NRXN3: variants seen among roughly 807,000 people sequenced by gnomAD.
NRXN3 encodes the protein neurexin 3.
In NRXN3, 32 loss-of-function variants were observed where a neutral mutation model predicts 137.6. The observed-to-expected ratio is 0.23, with a 90% CI of 0.18 to 0.31. The LOEUF is 0.31. NRXN3 is among the 10% of genes least tolerant of loss of function. The pLI, the probability that NRXN3 is intolerant of heterozygous loss-of-function variation, is 1.00. For missense variants in NRXN3, 1,574 were observed against 2,062.5 expected (o/e 0.76, Z 4.59); for synonymous variants, 798 against 784.5 (o/e 1.02, Z -0.29).
At chr14:78,314,893 C>CTTTCTTTCTTTCTT (rs750155165) in intron 4 of NRXN3, among the ~76,000 whole-genome samples, 4 of 82,180 alleles carry the variant, frequency 4.9e-5, no homozygotes, top group Admixed American at 1.1e-4. Context: ...TTCTTTCTTT[C>CTTTCTTTCTTTCTT]TCTTTCTTTC....
intron 20 of NRXN3, among the ~76,000 whole-genome samples, chr14:79,847,501 T>C (rs2099381714): frequency 6.6e-6 from 1 of 152,154 alleles, no homozygotes; most frequent in South Asian, 2.1e-4. Flanking sequence ...TTGTCCCCCA[T>C]GCCAACCCCT....
chr14:79,387,501 G>A (rs1159176012), intron 15 of NRXN3, among the ~76,000 whole-genome samples: 1 of 152,100 alleles, frequency 6.6e-6, no homozygotes, highest in Non-Finnish European at 1.5e-5. Flanking sequence ...TTACACTGTT[G>A]GTGGGACTGT....
intron 16 of NRXN3, among the ~76,000 whole-genome samples, chr14:79,609,345 C>G (rs1464570568): frequency 1.3e-5 from 2 of 152,124 alleles, no homozygotes; most frequent in Non-Finnish European, 2.9e-5. Flanking sequence ...CAGAGAAAAC[C>G]CGGATACAGG....
chr14:78,740,140 T>C (rs1406843444), intron 8 of NRXN3, among the ~76,000 whole-genome samples: 1 of 152,200 alleles, frequency 6.6e-6, no homozygotes, highest in African/African-American at 2.4e-5. Flanking sequence ...ATGTTCCACT[T>C]TTAAACTCTC....
intron 15 of NRXN3, among the ~76,000 whole-genome samples, chr14:79,420,507 A>G (rs1012974964): frequency 5.3e-5 from 8 of 152,108 alleles, no homozygotes; most frequent in African/African-American, 1.4e-4. Flanking sequence ...CTGCCCCAAA[A>G]AGTAGCTCAA....
At chr14:78,262,573 G>A (rs1213115510) in intron 2 of NRXN3, among the ~76,000 whole-genome samples, 1 of 152,106 alleles carries the variant, frequency 6.6e-6, no homozygotes. Flanking sequence ...CCATAGATCA[G>A]CCTGAAAATT....
At chr14:78,820,040 A>G (rs1248410892) in intron 10 of NRXN3, among the ~76,000 whole-genome samples, 1 of 152,110 alleles carries the variant, frequency 6.6e-6, no homozygotes, top group Non-Finnish European at 1.5e-5. Context: ...TAAAGTCCTT[A>G]AAATTTTTAT....
intron 4 of NRXN3, among the ~76,000 whole-genome samples, chr14:78,323,125 T>C (rs768809010): frequency 1.3e-5 from 2 of 152,006 alleles, no homozygotes; most frequent in Non-Finnish European, 2.9e-5. Context: ...GGGGGATAAA[T>C]AGGAAAAGAA....
chr14:78,360,173 C>T lies in NRXN3; in HGVS notation c.757+62313C>T, dbSNP rs947705159. ...GATTGTGAAAATTCCTTATCTCAGA[C>T]CCCATCCTGAGCTTCTCTAGGGAAC... On this transcript the variant is annotated intron_variant, in intron 4 of 20. Coordinates refer to ENST00000335750, the MANE Select transcript of NRXN3 (RefSeq NM_001330195.2). Among the ~76,000 whole-genome samples, 10 of 152,224 alleles carry T rather than the reference C, an allele frequency of 6.6e-5. No individual in the cohort carries two copies. In the East Asian group the frequency reaches 1.9e-3, roughly 29 times the overall value.
chr14:78,772,524 A>G (rs1417278548), intron 8 of NRXN3, among the ~76,000 whole-genome samples: 1 of 152,228 alleles, frequency 6.6e-6, no homozygotes, highest in African/African-American at 2.4e-5. Context: ...TAAGTGTCAA[A>G]ACTAGGGTAA....
chr14:78,217,141 C>T (rs551372842), intron 1 of NRXN3, among the ~76,000 whole-genome samples: 26 of 152,276 alleles, frequency 1.7e-4, no homozygotes, highest in African/African-American at 6.3e-4. Flanking sequence ...TTAAAAATTA[C>T]CCTTTTAATA....
chr14:78,674,902 T>G (rs753937910), intron 6 of NRXN3, among the ~76,000 whole-genome samples: 16 of 152,324 alleles, frequency 1.1e-4, no homozygotes, highest in Non-Finnish European at 1.9e-4. Flanking sequence ...GAAGCAAGGC[T>G]CTCTGTACTT....
chr14:78,883,432 G>T (rs541082990), intron 10 of NRXN3, among the ~76,000 whole-genome samples: 1 of 152,286 alleles, frequency 6.6e-6, no homozygotes, highest in East Asian at 1.9e-4. Flanking sequence ...GGAACAGGAG[G>T]TTCTCAGCAA....
At chr14:78,760,632 T>G (rs2098689320) in intron 8 of NRXN3, among the ~76,000 whole-genome samples, 1 of 151,494 alleles carries the variant, frequency 6.6e-6, no homozygotes, top group Non-Finnish European at 1.5e-5. Flanking sequence ...AGTTTAGACT[T>G]TTTGTTTAGC....
rs965241259 is a variant in NRXN3, at chr14:78,428,962, G to A, written c.757+131102G>A. Among the ~76,000 whole-genome samples the A allele has an allele frequency of 3.3e-5, 5 of 152,198 alleles. No homozygotes were observed. The South Asian group carries it at 1.0e-3, about 32-fold the overall frequency. ...GGTACCTGATAGCCCAATCAACTTT[G>A]CACCTAAAATTAATCATTTTAATCA... On this transcript the variant is annotated intron_variant, in intron 4 of 20. Coordinates refer to ENST00000335750, the MANE Select transcript of NRXN3 (RefSeq NM_001330195.2).
At chr14:79,096,778 C>T (rs1260115081) in intron 15 of NRXN3, among the ~76,000 whole-genome samples, 1 of 152,096 alleles carries the variant, frequency 6.6e-6, no homozygotes, top group East Asian at 1.9e-4. Context: ...ACCCTTCTTG[C>T]TTGAGCCTAT....
At chr14:79,737,730 C>CTT (rs559480106) in intron 19 of NRXN3, among the ~76,000 whole-genome samples, 3 of 144,402 alleles carry the variant, frequency 2.1e-5, no homozygotes, top group East Asian at 2.0e-4. Context: ...TTCTTTCTTT[C>CTT]TTTTTTTTTT....
chr14:78,827,779 T>A (rs183619911), intron 10 of NRXN3, among the ~76,000 whole-genome samples: 2 of 152,380 alleles, frequency 1.3e-5, no homozygotes, highest in East Asian at 1.9e-4. Flanking sequence ...CAGGCCTCAC[T>A]CAAAACAGTG....
At chr14:79,003,819 A>G (rs562270036) in intron 15 of NRXN3, among the ~76,000 whole-genome samples, 3 of 152,260 alleles carry the variant, frequency 2.0e-5, no homozygotes, top group Admixed American at 1.3e-4. Context: ...GCTGCCGAAC[A>G]TTAGGGGATT....
Sources: allele counts gnomAD v4.1 joint callset (sites outside exome capture counted in the v4.1 genomes callset), GRCh38; gene constraint gnomAD v4.1.1; transcripts MANE v1.5; gene names NCBI Gene and HGNC (gene_info 2026-07-23, HGNC 2026-07-21).